Variants in PKIA observed in about 807,000 individuals in gnomAD.
PKIA encodes the protein cAMP-dependent protein kinase inhibitor alpha.
In PKIA, 4 loss-of-function variants were observed where a neutral mutation model predicts 7.6. That is an observed-to-expected ratio of 0.52 (90% CI 0.26 to 1.20). The LOEUF (loss-of-function observed/expected upper bound fraction) is 1.20. PKIA is among the 50% of genes most tolerant of loss of function. PKIA has a pLI of 0.13. For missense variants in PKIA, 73 were observed against 86.2 expected (o/e 0.85, Z 0.61); for synonymous variants, 21 against 30.7 (o/e 0.68, Z 1.04).
chr8:78,582,397 G>A (rs1807833953), intron 2 of PKIA, among the ~76,000 whole-genome samples: 1 of 151,836 alleles, frequency 6.6e-6, no homozygotes, highest in Non-Finnish European at 1.5e-5. Flanking sequence ...TGCAAGCAGG[G>A]GAAATGCCAG....
intron 1 of PKIA, among the ~76,000 whole-genome samples, chr8:78,529,832 A>C (rs867124433): frequency 2.0e-5 from 3 of 152,178 alleles, no homozygotes; most frequent in African/African-American, 2.4e-5. Flanking sequence ...AGGAAATTTA[A>C]AATGTAAAAG....
chr8:78,523,168 C>T (rs1809449065), intron 1 of PKIA, among the ~76,000 whole-genome samples: 1 of 151,858 alleles, frequency 6.6e-6, no homozygotes, highest in African/African-American at 2.4e-5. Flanking sequence ...TGAGTATCTA[C>T]TTAAAACTAA....
intron 1 of PKIA, among the ~76,000 whole-genome samples, chr8:78,517,427 GTCCA>G (rs1178654823): frequency 6.6e-6 from 1 of 152,210 alleles, no homozygotes; most frequent in Admixed American, 6.5e-5. Context: ...GTGAATGCCA[GTCCA>G]TCCAGTTTTT....
Position 78,603,293 on chromosome 8 carries a change from C to G in PKIA, c.*1472C>G, listed in dbSNP as rs1400529191. The G allele has an allele frequency of 6.6e-6, 1 of 152,252 alleles. No individual in the cohort carries two copies. The highest frequency in any genetic ancestry group is 2.4e-5 in the African/African-American group (1 of 41,350). The allele number at this position is 152,252 out of a possible 1,614,324, so 9.4% of individuals were successfully genotyped here. On this transcript the variant is annotated 3_prime_UTR_variant, in exon 4 of 4. Coordinates refer to ENST00000396418, the MANE Select transcript of PKIA (RefSeq NM_006823.4). ...TACAATAACGAGCCCACTTAGCTGT[C>G]CTTGAGGGCTTAGATACCTTGCCAC...
At chr8:78,569,254 A>C (rs1256744256) in intron 1 of PKIA, among the ~76,000 whole-genome samples, 1 of 151,990 alleles carries the variant, frequency 6.6e-6, no homozygotes, top group Non-Finnish European at 1.5e-5. Context: ...GAGAGTTGAC[A>C]CTTCATTTCC....
In PKIA at chr8:78,586,063, A is replaced by C. The variant is rs554999414; in HGVS notation, c.-27-12295A>C. On this transcript the variant is annotated intron_variant, in intron 2 of 3. Coordinates refer to ENST00000396418, the MANE Select transcript of PKIA (RefSeq NM_006823.4). ...CACTAATATCTGACTCTCCTATTTC[A>C]CCAGGCAGTCTTCTCCACTGCACCC... Among the ~76,000 whole-genome samples, 3 of 152,150 alleles carry C rather than the reference A, an allele frequency of 2.0e-5. No individual in the cohort carries two copies. In the South Asian group the frequency reaches 6.2e-4, roughly 32 times the overall value.
rs767097967 is a variant in PKIA at position 78,598,368 on chromosome 8, GT to G, written c.-16del. On this transcript the variant is annotated 5_prime_UTR_variant, in exon 3 of 4. Transcript: ENST00000396418. ...TCCTTTCTTTTGTAGTCCCTGCTAT[GT>G]GGATATTTGGTAGCAATGACTGATG... 17 of 1,601,460 alleles carry G rather than the reference GT, an allele frequency of 1.1e-5. No homozygotes were observed. In the South Asian group the frequency reaches 1.9e-4, roughly 18 times the overall value.
chr8:78,596,658 G>A (rs1029299384), intron 2 of PKIA, among the ~76,000 whole-genome samples: 6 of 152,156 alleles, frequency 3.9e-5, no homozygotes, highest in Non-Finnish European at 8.8e-5. Flanking sequence ...CTGTGCAGAA[G>A]CTCTTTAGTT....
At chr8:78,568,380 A>G (rs2118544061) in intron 1 of PKIA, among the ~76,000 whole-genome samples, 1 of 152,322 alleles carries the variant, frequency 6.6e-6, no homozygotes, top group Middle Eastern at 3.4e-3. Flanking sequence ...TAGCAGAATA[A>G]TTCCTAAAGG....
chr8:78,576,253 T>G lies in PKIA; in HGVS notation c.-28+3314T>G, dbSNP rs372369474. 6.6e-5 allele frequency among the ~76,000 whole-genome samples: 10 copies of G among 152,052 alleles called. 1 individual carries two copies. In the East Asian group the frequency reaches 9.7e-4, roughly 15 times the overall value. The stretch of plus-strand genomic sequence containing the variant: ...CCAATAGGTTGAAAATCTTTTCATC[T>G]GTTTAATAGTCACTATATTTCCTAT... On this transcript the variant is annotated intron_variant, in intron 2 of 3. Coordinates refer to ENST00000396418, the MANE Select transcript of PKIA (RefSeq NM_006823.4).
intron 1 of PKIA, among the ~76,000 whole-genome samples, chr8:78,531,228 C>T (rs1166904739): frequency 6.6e-6 from 1 of 151,984 alleles, no homozygotes; most frequent in Non-Finnish European, 1.5e-5. Flanking sequence ...TATGTTCTAC[C>T]CTTTCTTAGT....
intron 1 of PKIA, among the ~76,000 whole-genome samples, chr8:78,530,061 TAGA>T (rs1256220327): frequency 2.6e-5 from 4 of 152,004 alleles, no homozygotes; most frequent in Non-Finnish European, 5.9e-5. Flanking sequence ...TTAAATATAG[TAGA>T]AGAAGGTAAG....
intron 1 of PKIA, among the ~76,000 whole-genome samples, chr8:78,529,149 A>G (rs1453702320): frequency 2.0e-5 from 3 of 152,100 alleles, no homozygotes; most frequent in Non-Finnish European, 2.9e-5. Flanking sequence ...TATTAACAAA[A>G]TGATTTATTT....
At chr8:78,593,427 T>C (rs1417253090) in intron 2 of PKIA, among the ~76,000 whole-genome samples, 1 of 152,172 alleles carries the variant, frequency 6.6e-6, no homozygotes, top group African/African-American at 2.4e-5. Context: ...GGCCTAAGCC[T>C]ATGTTTTTAA....
chr8:78,546,896 A>AT (rs1245302950), intron 1 of PKIA, among the ~76,000 whole-genome samples: 1 of 152,160 alleles, frequency 6.6e-6, no homozygotes, highest in African/African-American at 2.4e-5. Context: ...GTATTTCTAC[A>AT]TAAAAATCCA....
At chr8:78,578,352 C>T (rs182528483) in intron 2 of PKIA, among the ~76,000 whole-genome samples, 52 of 152,060 alleles carry the variant, frequency 3.4e-4, no homozygotes, top group South Asian at 1.9e-3. Context: ...AAACTGTAAT[C>T]ATTCATCTTC....
chr8:78,588,604 G>C (rs1433522912), intron 2 of PKIA, among the ~76,000 whole-genome samples: 1 of 152,132 alleles, frequency 6.6e-6, no homozygotes, highest in African/African-American at 2.4e-5. Context: ...ATAATTATTT[G>C]GTGAATAATC....
At position 78,598,609 on chromosome 8, in the gene PKIA, C is replaced by T. The variant is rs965147035; in HGVS notation, c.151+74C>T. The T allele has an allele frequency of 9.5e-6, 11 of 1,160,270 alleles. No homozygotes were observed. In the East Asian group the frequency reaches 1.5e-4, roughly 15 times the overall value. The allele number at this position is 1,160,270 out of a possible 1,614,324, so 71.9% of individuals were successfully genotyped here. ...CATTTTACTAAGAGGGATTAAGGCA[C>T]GAAAAGCCATCTTTGAAAGTAATCT... On this transcript the variant is annotated intron_variant, in intron 3 of 3. Transcript: ENST00000396418.
At chr8:78,560,684 G>A (rs141139116) in intron 1 of PKIA, among the ~76,000 whole-genome samples, 201 of 152,284 alleles carry the variant, frequency 1.3e-3, no homozygotes, top group Middle Eastern at 3.4e-3. Context: ...ACCAATGGCC[G>A]AGGAAAACCA....
Sources: gnomAD v4.1 joint callset for allele counts (sites outside exome capture counted in the v4.1 genomes callset) on GRCh38, gnomAD v4.1.1 for gene constraint, MANE v1.5 for transcripts, NCBI Gene and HGNC (gene_info 2026-07-23, HGNC 2026-07-21) for gene names.